PIK3C3: variants seen among roughly 807,000 people sequenced by gnomAD.
PIK3C3 encodes the protein PI3-kinase type 3.
PIK3C3 carries 95 observed loss-of-function variants against 126.1 expected under a neutral mutation model. That is an observed-to-expected ratio of 0.75 (90% CI 0.64 to 0.89). The LOEUF is 0.89. Ranked by LOEUF, PIK3C3 falls within the 40% of genes least tolerant of loss-of-function variation. The pLI is 0.00. For missense variants in PIK3C3, 829 were observed against 1,063.2 expected, an observed-to-expected ratio of 0.78 and a Z score of 3.06; for synonymous variants, 374 against 360.0, an observed-to-expected ratio of 1.04 and a Z score of -0.44.
intron 4 of PIK3C3, among the ~76,000 whole-genome samples, chr18:41,971,661 T>C (rs1465561095): frequency 2.0e-5 from 3 of 152,054 alleles, no homozygotes; most frequent in Non-Finnish European, 4.4e-5. Context: ...TCTCTGTCCC[T>C]TTTACAAACC....
rs1984312099 is a variant in PIK3C3, at chr18:42,041,406, CCT to C, written c.2103+669_2103+670del. On this transcript the variant is annotated intron_variant, in intron 19 of 24. Coordinates refer to ENST00000262039, the MANE Select transcript of PIK3C3 (RefSeq NM_002647.4). ...TGTACAATTATTTAAGACCCCCTATCCTCTCCCTTCAACCTATTGCTCCCCTT... is the reference window on the plus strand; with the variant it reads ...TGTACAATTATTTAAGACCCCCTATCCTCCCTTCAACCTATTGCTCCCCTT... Among the ~76,000 whole-genome samples the C allele has an allele frequency of 2.0e-5, 3 of 151,652 alleles. No homozygotes were observed. In the South Asian group the frequency reaches 6.2e-4, roughly 31 times the overall value.
intron 22 of PIK3C3, among the ~76,000 whole-genome samples, chr18:42,060,657 A>G: frequency 6.6e-6 from 1 of 152,072 alleles, no homozygotes; most frequent in East Asian, 1.9e-4. Context: ...CACGCTTGTA[A>G]TCTCAGCTAC....
intron 23 of PIK3C3, among the ~76,000 whole-genome samples, chr18:42,067,138 T>C (rs1486246664): frequency 6.6e-6 from 1 of 152,094 alleles, no homozygotes; most frequent in Non-Finnish European, 1.5e-5. Flanking sequence ...TAAGAAATAT[T>C]TCTTCTTTTC....
rs184401484 is a variant in PIK3C3, at chr18:41,977,121, C to T, written c.531+6665C>T. 8.2e-4 allele frequency among the ~76,000 whole-genome samples: 124 copies of T among 152,142 alleles called. 1 individual carries two copies. Among genetic ancestry groups the T allele is most frequent in the African/African-American group, 2.7e-3 (112 of 41,498 alleles). On this transcript the variant is annotated intron_variant, in intron 4 of 24. Transcript: ENST00000262039. ...CAAGTATGGCATAAAAGATGATGCC[C>T]GTTAAGTCAGTAAACAGTGACCTGC...
chr18:42,004,992 A>G (rs1982474620), intron 10 of PIK3C3, among the ~76,000 whole-genome samples: 1 of 152,138 alleles, frequency 6.6e-6, no homozygotes, highest in Non-Finnish European at 1.5e-5. Context: ...CTCTCCTTCA[A>G]ACTCGCCTTT....
chr18:42,060,685 G>A (rs926352488), intron 22 of PIK3C3, among the ~76,000 whole-genome samples: 4 of 152,090 alleles, frequency 2.6e-5, no homozygotes, highest in African/African-American at 9.7e-5. Context: ...GCTGAGGTAT[G>A]AGAATTGCTT....
At chr18:41,957,809 T>C (rs1183046184) in intron 2 of PIK3C3, 51 bp downstream of exon 2, 4 of 1,346,400 alleles carry the variant, frequency 3.0e-6, no homozygotes, top group East Asian at 2.3e-5. Context: ...TTACCTTTCT[T>C]TATGGATGCT....
chr18:42,038,549 G>A (rs1019933281), intron 17 of PIK3C3, among the ~76,000 whole-genome samples: 1 of 151,946 alleles, frequency 6.6e-6, no homozygotes, highest in Non-Finnish European at 1.5e-5. Context: ...TCACCATGTT[G>A]ACCAGGCTGA....
At chr18:42,063,744 A>G (rs1985419812) in intron 22 of PIK3C3, among the ~76,000 whole-genome samples, 1 of 152,094 alleles carries the variant, frequency 6.6e-6, no homozygotes, top group African/African-American at 2.4e-5. Flanking sequence ...TATTATTATT[A>G]TTATTATCAT....
chr18:42,031,286 T>A (rs1983812419), intron 15 of PIK3C3, among the ~76,000 whole-genome samples: 1 of 152,146 alleles, frequency 6.6e-6, no homozygotes, highest in Non-Finnish European at 1.5e-5. Flanking sequence ...GGCAGAGTAA[T>A]CCCTGAGTTA....
At chr18:42,029,523 T>C in intron 15 of PIK3C3, 82 bp downstream of exon 15, 1 of 693,332 alleles carries the variant, frequency 1.4e-6, no homozygotes, top group Admixed American at 2.3e-5. Flanking sequence ...TCTTTTTGGG[T>C]TGATACGTGA....
At position 42,082,009 on chromosome 18, in the gene PIK3C3, C is replaced by A. The variant is rs1986268026; in HGVS notation, c.*872C>A. On this transcript the variant is annotated 3_prime_UTR_variant, in exon 25 of 25. Coordinates refer to ENST00000262039, the MANE Select transcript of PIK3C3 (RefSeq NM_002647.4). ...ACAAAAAGCTCTTTGAAATAGCTCA[C>A]CTAGACCTGTTAATGTAATATATTC... 1 of 88,136 alleles carries A rather than the reference C, an allele frequency of 1.1e-5. No individual in the cohort carries two copies. Among genetic ancestry groups the A allele is most frequent in the African/African-American group, 3.5e-5 (1 of 28,718 alleles). 5.5% of individuals were successfully genotyped at this position (88,136 alleles called of 1,614,324 possible). A position where few individuals can be genotyped will look rare whatever the true frequency, so the allele number is the denominator to read the frequency against.
intron 10 of PIK3C3, among the ~76,000 whole-genome samples, chr18:42,012,183 T>TAA (rs200019420): frequency 3.0e-3 from 423 of 142,264 alleles, no homozygotes; most frequent in Non-Finnish European, 4.4e-3. Context: ...CTTCATTCTG[T>TAA]AAAAAAAAAA....
At chr18:42,031,193 A>G (rs548666329) in intron 15 of PIK3C3, among the ~76,000 whole-genome samples, 1 of 152,296 alleles carries the variant, frequency 6.6e-6, no homozygotes, top group East Asian at 1.9e-4. Context: ...CTAATCATAT[A>G]AAATCATATG....
intron 3 of PIK3C3, among the ~76,000 whole-genome samples, chr18:41,968,538 C>T (rs1252260724): frequency 1.3e-5 from 2 of 152,104 alleles, no homozygotes; most frequent in Admixed American, 6.5e-5. Context: ...TTTGCAAATA[C>T]AGTTACTAGA....
At chr18:41,975,408 CT>C (rs1252021169) in intron 4 of PIK3C3, among the ~76,000 whole-genome samples, 1 of 152,116 alleles carries the variant, frequency 6.6e-6, no homozygotes, top group African/African-American at 2.4e-5. Context: ...TTAGACGCCC[CT>C]GGTGGCTACA....
intron 3 of PIK3C3, among the ~76,000 whole-genome samples, chr18:41,968,710 C>A (rs770757132): frequency 6.6e-6 from 1 of 152,004 alleles, no homozygotes; most frequent in East Asian, 1.9e-4. Flanking sequence ...ATCTTTATTA[C>A]CTTAGGAAAA....
At chr18:41,987,770 T>C (rs2144347538) in intron 4 of PIK3C3, 42 bp from the exon 5 acceptor site, 2 of 1,329,158 alleles carry the variant, frequency 1.5e-6, no homozygotes, top group South Asian at 2.4e-5. Flanking sequence ...TTCTTTCTAC[T>C]AGATGTATAT....
At chr18:42,037,624 T>A in intron 16 of PIK3C3, 68 bp from the exon 17 acceptor site, 1 of 1,375,826 alleles carries the variant, frequency 7.3e-7, no homozygotes, top group Non-Finnish European at 1.0e-6. Context: ...AACATTTTCT[T>A]GTATGTATAG....
Sources: gnomAD v4.1 joint callset for allele counts (sites outside exome capture counted in the v4.1 genomes callset) on GRCh38, gnomAD v4.1.1 for gene constraint, MANE v1.5 for transcripts, NCBI Gene and HGNC (gene_info 2026-07-23, HGNC 2026-07-21) for gene names.